The following AGTPBP1 variants were observed in gnomAD, a reference collection of about 807,000 sequenced individuals.
AGTPBP1 encodes the protein cytosolic carboxypeptidase 1.
In AGTPBP1, 70 loss-of-function variants were observed where a neutral mutation model predicts 143.9. The ratio of observed to expected loss-of-function variants is 0.49; its 90% CI spans 0.40 to 0.59. The LOEUF is 0.59. Ranked by LOEUF, AGTPBP1 falls within the 20% of genes least tolerant of loss-of-function variation. The pLI is 0.00. For missense variants in AGTPBP1, 1,229 were observed against 1,464.5 expected (o/e 0.84, Z 2.62); for synonymous variants, 463 against 500.2 (o/e 0.93, Z 0.99).
chr9:85,692,274 T>TTA (rs2134268887), intron 3 of AGTPBP1, among the ~76,000 whole-genome samples: 2 of 138,424 alleles, frequency 1.4e-5, no homozygotes, highest in Admixed American at 1.4e-4. Context: ...AAAGTTTGAT[T>TTA]TTTTTTTTTT....
At chr9:85,662,259 G>A (rs757300879) in intron 8 of AGTPBP1, among the ~76,000 whole-genome samples, 127 of 152,174 alleles carry the variant, frequency 8.3e-4, no homozygotes, top group Non-Finnish European at 1.5e-3. Context: ...AGTTCTTAAT[G>A]GCTACACTTT....
chr9:85,702,733 A>G (rs950125275), intron 2 of AGTPBP1, among the ~76,000 whole-genome samples: 15 of 151,818 alleles, frequency 9.9e-5, no homozygotes, highest in Non-Finnish European at 2.1e-4. Context: ...AACTTGTATA[A>G]GCTCCTATAA....
chr9:85,662,097 C>A (rs1188462035), intron 8 of AGTPBP1, among the ~76,000 whole-genome samples: 1 of 152,064 alleles, frequency 6.6e-6, no homozygotes, highest in African/African-American at 2.4e-5. Flanking sequence ...ATCAGCAGTA[C>A]AAGGGAAGTA....
At chr9:85,636,633 A>G (rs1351179306) in intron 13 of AGTPBP1, among the ~76,000 whole-genome samples, 1 of 152,180 alleles carries the variant, frequency 6.6e-6, no homozygotes, top group Non-Finnish European at 1.5e-5. Context: ...TTCTAATGAA[A>G]TAATCTGAAG....
chr9:85,636,728 G>A (rs12346022), intron 13 of AGTPBP1, among the ~76,000 whole-genome samples: 3,560 of 152,132 alleles, frequency 0.023, 127 homozygotes, highest in African/African-American at 0.074. Context: ...CGTTCAATTA[G>A]AATTGCAAAA....
At chr9:85,591,068 T>A (rs937248514) in intron 19 of AGTPBP1, among the ~76,000 whole-genome samples, 33 of 152,052 alleles carry the variant, frequency 2.2e-4, no homozygotes, top group Non-Finnish European at 4.1e-4. Context: ...AGGATACAAT[T>A]TAAATGATTT....
intron 23 of AGTPBP1, among the ~76,000 whole-genome samples, chr9:85,579,594 T>G (rs1289454853): frequency 6.7e-6 from 1 of 148,726 alleles, no homozygotes; most frequent in Non-Finnish European, 1.5e-5. Context: ...TGTGTGTGTG[T>G]GTGTGTGGGG....
intron 24 of AGTPBP1, among the ~76,000 whole-genome samples, chr9:85,576,229 C>T (rs1162882284): frequency 1.3e-5 from 2 of 152,002 alleles, no homozygotes; most frequent in Non-Finnish European, 2.9e-5. Context: ...TTTTCAGATA[C>T]AAATAAATCC....
the AGTPBP1 span, chr9:85,793,350 A>G: frequency 1.3e-5 from 2 of 152,216 alleles, no homozygotes; most frequent in Non-Finnish European, 2.9e-5. Flanking sequence ...AAATAAAAAG[A>G]AATCAGTCCT....
the AGTPBP1 span, among the ~76,000 whole-genome samples, chr9:85,803,785 C>G: frequency 6.6e-6 from 1 of 152,150 alleles, no homozygotes; most frequent in Non-Finnish European, 1.5e-5. Context: ...TCTTGACAAC[C>G]CTTTGAATTC....
At chr9:85,799,704 G>A in the AGTPBP1 span, among the ~76,000 whole-genome samples, 2 of 152,184 alleles carry the variant, frequency 1.3e-5, no homozygotes, top group African/African-American at 4.8e-5. Context: ...TTTTCGTAGA[G>A]GTGGGATCTC....
intron 1 of AGTPBP1, among the ~76,000 whole-genome samples, chr9:85,721,803 T>A (rs1021935679): frequency 6.6e-6 from 1 of 152,214 alleles, no homozygotes; most frequent in East Asian, 1.9e-4. Flanking sequence ...TTGCAGTGGC[T>A]GGTACCAGTT....
At chr9:85,776,916 G>A in the AGTPBP1 span, among the ~76,000 whole-genome samples, 4 of 152,132 alleles carry the variant, frequency 2.6e-5, no homozygotes, top group Non-Finnish European at 4.4e-5. Context: ...CCTGACTATG[G>A]AAGAAACAGT....
At chr9:85,723,261 T>C (rs1838249140) in intron 1 of AGTPBP1, among the ~76,000 whole-genome samples, 1 of 152,230 alleles carries the variant, frequency 6.6e-6, no homozygotes, top group South Asian at 2.1e-4. Context: ...TGCCTTTTCT[T>C]CTGGTAGGCA....
intron 14 of AGTPBP1, among the ~76,000 whole-genome samples, chr9:85,625,378 A>G (rs1831206321): frequency 6.6e-6 from 1 of 152,196 alleles, no homozygotes. Context: ...AGCCAATCTG[A>G]TATGTGGAAA....
the AGTPBP1 span, among the ~76,000 whole-genome samples, chr9:85,769,533 A>G: frequency 4.0e-5 from 6 of 151,566 alleles, no homozygotes; most frequent in Admixed American, 6.6e-5. Context: ...AAAAAAAAAA[A>G]AAAAAAAGAA....
upstream of AGTPBP1, among the ~76,000 whole-genome samples, chr9:85,744,147 G>T (rs1824556427): frequency 6.6e-6 from 1 of 151,800 alleles, no homozygotes; most frequent in African/African-American, 2.4e-5. Flanking sequence ...ACCCAGGCTG[G>T]TCTCAAACTC....
At chr9:85,569,616 A>C (rs1376379642) in intron 25 of AGTPBP1, among the ~76,000 whole-genome samples, 1 of 152,132 alleles carries the variant, frequency 6.6e-6, no homozygotes, top group African/African-American at 2.4e-5. Context: ...AAAACAAAAC[A>C]ATAACAACAA....
the AGTPBP1 span, among the ~76,000 whole-genome samples, chr9:85,773,320 CTTTTTTTTTTTTT>C: frequency 1.3e-4 from 4 of 29,948 alleles, no homozygotes; most frequent in Non-Finnish European, 1.8e-4. Flanking sequence ...CCAACAAATT[CTTTTTTTTTTTTT>C]TTTTTTTTTT....
Sources: gnomAD v4.1 joint callset for allele counts (sites outside exome capture counted in the v4.1 genomes callset) on GRCh38, gnomAD v4.1.1 for gene constraint, MANE v1.5 for transcripts, NCBI Gene and HGNC (gene_info 2026-07-23, HGNC 2026-07-21) for gene names.